Variants in SBF2 observed in about 807,000 individuals in gnomAD.
The protein encoded by SBF2 is SET binding factor 2.
SBF2 carries 112 observed loss-of-function variants against 225.2 expected under a neutral mutation model. The observed-to-expected ratio is 0.50, with a 90% CI of 0.43 to 0.58. The LOEUF (loss-of-function observed/expected upper bound fraction) is 0.58. Ranked by LOEUF, SBF2 falls within the 20% of genes least tolerant of loss-of-function variation. SBF2 has a pLI of 0.00. For synonymous variants in SBF2, 763 were observed against 773.3 expected, an observed-to-expected ratio of 0.99 and a Z score of 0.22; for missense variants, 1,996 against 2,206.2, an observed-to-expected ratio of 0.90 and a Z score of 1.91.
chr11:9,785,414 C>T, intron 36 of SBF2, 96 bp from the exon 37 acceptor site: 4 of 1,016,392 alleles, frequency 3.9e-6, no homozygotes, highest in East Asian at 2.4e-5. Flanking sequence ...AAGGAAAAAA[C>T]TGGACTAATA....
At chr11:10,050,890 T>C (rs956440089) in intron 2 of SBF2, among the ~76,000 whole-genome samples, 1 of 152,166 alleles carries the variant, frequency 6.6e-6, no homozygotes, top group Admixed American at 6.6e-5. Flanking sequence ...CCATTTAATA[T>C]TTTTGGACCT....
chr11:9,828,598 C>A, intron 28 of SBF2: 2 of 985,324 alleles, frequency 2.0e-6, no homozygotes, highest in Non-Finnish European at 2.4e-6. Flanking sequence ...AGGGTTACCT[C>A]TACATGAACC....
At chr11:10,012,227 C>G (rs537497687) in intron 6 of SBF2, among the ~76,000 whole-genome samples, 1 of 152,286 alleles carries the variant, frequency 6.6e-6, no homozygotes, top group East Asian at 1.9e-4. Flanking sequence ...CTCACTGCAG[C>G]CCCAGCCTTC....
intron 2 of SBF2, among the ~76,000 whole-genome samples, chr11:10,123,077 T>G (rs979013396): frequency 1.3e-5 from 2 of 152,144 alleles, no homozygotes; most frequent in African/African-American, 4.8e-5. Flanking sequence ...CTCTCCCTGC[T>G]TGGTTTCACC....
intron 1 of SBF2, among the ~76,000 whole-genome samples, chr11:10,246,199 C>T (rs1959774288): frequency 1.3e-5 from 2 of 152,156 alleles, no homozygotes; most frequent in African/African-American, 4.8e-5. Flanking sequence ...ATGGCATACA[C>T]TGTAGTGACG....
intron 1 of SBF2, among the ~76,000 whole-genome samples, chr11:10,226,358 T>G (rs942906330): frequency 3.3e-5 from 5 of 152,096 alleles, no homozygotes; most frequent in Non-Finnish European, 5.9e-5. Flanking sequence ...AGTTTAAGTT[T>G]TAGGGTACAT....
intron 2 of SBF2, among the ~76,000 whole-genome samples, chr11:10,061,140 T>C (rs957718304): frequency 1.3e-5 from 2 of 152,108 alleles, no homozygotes; most frequent in South Asian, 2.1e-4. Context: ...GGGCCTTTGA[T>C]AAAATTAAAT....
intron 9 of SBF2, among the ~76,000 whole-genome samples, chr11:9,995,009 C>G (rs1431331339): frequency 6.7e-6 from 1 of 150,186 alleles, no homozygotes; most frequent in Non-Finnish European, 1.5e-5. Context: ...TGCACTCCAG[C>G]CTGGGCGACA....
In SBF2 at chr11:9,872,472, A is replaced by G. The variant is rs562362077; in HGVS notation, c.1930-14076T>C. 3.3e-5 allele frequency among the ~76,000 whole-genome samples: 5 copies of G among 152,354 alleles called. No individual in the cohort carries two copies. In the South Asian group the frequency reaches 1.0e-3, roughly 32 times the overall value. On this transcript the variant is annotated intron_variant, in intron 17 of 39. Coordinates refer to ENST00000256190, the MANE Select transcript of SBF2 (RefSeq NM_030962.4). ...CTTAAAATAAAGGTTGAAGAAAAAA[A>G]TAAGTAAAAATTAAAAAGTCTAAAT...
intron 1 of SBF2, among the ~76,000 whole-genome samples, chr11:10,196,853 TATATATATATATA>T (rs1247060860): frequency 4.5e-5 from 1 of 22,148 alleles, no homozygotes; most frequent in Non-Finnish European, 1.6e-4. Flanking sequence ...TATATATATA[TATATATATATATA>T]TTTTTTTTTT....
At chr11:10,164,303 T>C (rs908296653) in intron 2 of SBF2, among the ~76,000 whole-genome samples, 8 of 152,200 alleles carry the variant, frequency 5.3e-5, no homozygotes, top group African/African-American at 1.4e-4. Flanking sequence ...TAAAATATTT[T>C]ACATTTCCTC....
At chr11:9,824,898 G>A (rs561967499) in intron 28 of SBF2, among the ~76,000 whole-genome samples, 1 of 152,280 alleles carries the variant, frequency 6.6e-6, no homozygotes, top group Non-Finnish European at 1.5e-5. Context: ...TCTGACAAGA[G>A]TGCTTAGCAA....
intron 1 of SBF2, among the ~76,000 whole-genome samples, chr11:10,235,172 TTTA>T (rs1959013311): frequency 1.3e-5 from 2 of 152,238 alleles, no homozygotes; most frequent in Admixed American, 1.3e-4. Flanking sequence ...TAATTTACAC[TTTA>T]TTGTTTTTCA....
chr11:10,077,542 TTCCCTATTTAATAAACGGTGTTGGGAAAA>T (rs1333313715), intron 2 of SBF2, among the ~76,000 whole-genome samples: 1 of 152,168 alleles, frequency 6.6e-6, no homozygotes, highest in African/African-American at 2.4e-5. Context: ...GGGGAAAGGA[TTCCCTATTTAATAAACGGTGTTGGGAAAA>T]CTGGCAAGCC....
intron 16 of SBF2, among the ~76,000 whole-genome samples, chr11:9,902,528 G>A (rs185112406): frequency 1.4e-3 from 206 of 152,198 alleles, no homozygotes; most frequent in Admixed American, 2.7e-3. Flanking sequence ...CCCAACTACC[G>A]GGCTGTGGTC....
intron 16 of SBF2, chr11:9,959,860 AG>A: frequency 9.9e-6 from 5 of 502,854 alleles, no homozygotes; most frequent in South Asian, 8.3e-5. Context: ...AGGAGAGAGG[AG>A]GGGAGGCCAC....
At chr11:10,171,019 T>A (rs938168881) in intron 2 of SBF2, among the ~76,000 whole-genome samples, 32 of 150,686 alleles carry the variant, frequency 2.1e-4, no homozygotes, top group Admixed American at 1.1e-3. Flanking sequence ...AATTTGTTCA[T>A]CAGTTTTAAT....
chr11:9,925,911 T>C (rs528185988), intron 16 of SBF2, among the ~76,000 whole-genome samples: 1 of 152,252 alleles, frequency 6.6e-6, no homozygotes, highest in East Asian at 1.9e-4. Flanking sequence ...ATAGGGCAAC[T>C]GAAAAATGTC....
chr11:9,951,622 G>A (rs1458679097), intron 16 of SBF2, among the ~76,000 whole-genome samples: 9 of 152,174 alleles, frequency 5.9e-5, no homozygotes, highest in Non-Finnish European at 8.8e-5. Flanking sequence ...TTTCAAAAAT[G>A]TACTTAATTT....
Sources: gnomAD v4.1 joint callset for allele counts (sites outside exome capture counted in the v4.1 genomes callset) on GRCh38, gnomAD v4.1.1 for gene constraint, MANE v1.5 for transcripts, NCBI Gene and HGNC (gene_info 2026-07-23, HGNC 2026-07-21) for gene names.